Variants in DPP10 observed in about 807,000 individuals in gnomAD.
The protein encoded by DPP10 is inactive dipeptidyl peptidase 10.
DPP10 carries 33 observed loss-of-function variants against 120.9 expected under a neutral mutation model. The observed-to-expected ratio is 0.27, with a 90% confidence interval of 0.21 to 0.37. The LOEUF (loss-of-function observed/expected upper bound fraction) is 0.37. Ranked by LOEUF, DPP10 falls within the 10% of genes least tolerant of loss-of-function variation. The pLI, the probability that DPP10 is intolerant of heterozygous loss-of-function variation, is 1.00. For synonymous variants in DPP10, 337 were observed against 326.1 expected (o/e 1.03, Z -0.36); for missense variants, 816 against 942.8 (o/e 0.87, Z 1.76).
At chr2:114,865,154 A>C (rs1690123879) in intron 1 of DPP10, among the ~76,000 whole-genome samples, 1 of 152,214 alleles carries the variant, frequency 6.6e-6, no homozygotes, top group Non-Finnish European at 1.5e-5. Flanking sequence ...TATAAATTGT[A>C]TTTTCATATT....
chr2:115,767,242 G>A (rs543255542), intron 12 of DPP10, among the ~76,000 whole-genome samples: 255 of 152,166 alleles, frequency 1.7e-3, no homozygotes, highest in Non-Finnish European at 3.1e-3. Context: ...AAGAAAGCAA[G>A]AGAATGACAA....
At chr2:115,424,702 C>T (rs944640437) in intron 3 of DPP10, among the ~76,000 whole-genome samples, 5 of 152,044 alleles carry the variant, frequency 3.3e-5, no homozygotes, top group African/African-American at 1.2e-4. Flanking sequence ...CATATGCACA[C>T]TCACTTGTAC....
At chr2:115,138,503 C>T (rs4849382) in intron 1 of DPP10, among the ~76,000 whole-genome samples, 17,024 of 152,110 alleles carry the variant, frequency 0.11, 1,293 homozygotes, top group East Asian at 0.3. Flanking sequence ...TTTTAGAACA[C>T]ATTTACAGTT....
chr2:115,537,827 G>A (rs1221230485), intron 5 of DPP10, among the ~76,000 whole-genome samples: 1 of 151,946 alleles, frequency 6.6e-6, no homozygotes, highest in Non-Finnish European at 1.5e-5. Context: ...AGATGTGGGG[G>A]CTGCAGTCAT....
intron 19 of DPP10, among the ~76,000 whole-genome samples, chr2:115,801,978 C>G (rs1685298875): frequency 6.6e-6 from 1 of 152,068 alleles, no homozygotes; most frequent in Non-Finnish European, 1.5e-5. Flanking sequence ...CCCTCTTTTT[C>G]TATTGATTGG....
chr2:114,530,121 T>G (rs1292558662), intron 1 of DPP10, among the ~76,000 whole-genome samples: 1 of 152,164 alleles, frequency 6.6e-6, no homozygotes, highest in Non-Finnish European at 1.5e-5. Flanking sequence ...AGTTTGATTC[T>G]ATAGTTAATA....
intron 1 of DPP10, among the ~76,000 whole-genome samples, chr2:114,654,944 T>C (rs1229021547): frequency 1.3e-5 from 2 of 152,218 alleles, no homozygotes; most frequent in African/African-American, 2.4e-5. Context: ...CTAAAATTAA[T>C]GTTAATTTGG....
chr2:114,633,251 T>C (rs1695072862), intron 1 of DPP10, among the ~76,000 whole-genome samples: 2 of 109,580 alleles, frequency 1.8e-5, no homozygotes, highest in Non-Finnish European at 3.6e-5. Context: ...TTTCTTTCTT[T>C]TTTTTTTTTT....
At chr2:115,685,273 T>C (rs1042061500) in intron 5 of DPP10, among the ~76,000 whole-genome samples, 4 of 152,106 alleles carry the variant, frequency 2.6e-5, no homozygotes, top group African/African-American at 7.2e-5. Context: ...TTTGACACAC[T>C]AGCTGTATTT....
At chr2:114,806,965 G>C (rs1198438100) in intron 1 of DPP10, among the ~76,000 whole-genome samples, 1 of 152,152 alleles carries the variant, frequency 6.6e-6, no homozygotes, top group Non-Finnish European at 1.5e-5. Flanking sequence ...CCTTCCCATT[G>C]AGTACAGAAT....
At chr2:115,340,831 C>T (rs2063407503) in intron 2 of DPP10, among the ~76,000 whole-genome samples, 1 of 151,814 alleles carries the variant, frequency 6.6e-6, no homozygotes, top group East Asian at 1.9e-4. Flanking sequence ...ATTTCTCTCA[C>T]TGAAATAAGT....
chr2:114,691,319 T>A (rs934994473), intron 1 of DPP10, among the ~76,000 whole-genome samples: 3 of 152,136 alleles, frequency 2.0e-5, no homozygotes, highest in African/African-American at 7.2e-5. Flanking sequence ...TCTGTTGAGG[T>A]AATCATGTGG....
chr2:114,864,786 C>A (rs571476630), intron 1 of DPP10, among the ~76,000 whole-genome samples: 1 of 152,138 alleles, frequency 6.6e-6, no homozygotes, highest in African/African-American at 2.4e-5. Context: ...TTATGAAAGT[C>A]CCCTATATTA....
chr2:114,889,154 C>G (rs1455811176), intron 1 of DPP10, among the ~76,000 whole-genome samples: 1 of 152,170 alleles, frequency 6.6e-6, no homozygotes, highest in South Asian at 2.1e-4. Context: ...TGACAACAAC[C>G]TGCTCTAGGA....
At chr2:114,887,018 C>T (rs1692128519) in intron 1 of DPP10, among the ~76,000 whole-genome samples, 1 of 152,162 alleles carries the variant, frequency 6.6e-6, no homozygotes, top group African/African-American at 2.4e-5. Context: ...AATTGCCATC[C>T]ACTGTAGTCT....
chr2:115,721,667 A>C (rs956752623), intron 7 of DPP10, among the ~76,000 whole-genome samples: 1 of 152,182 alleles, frequency 6.6e-6, no homozygotes, highest in Admixed American at 6.5e-5. Context: ...ATACAAAATA[A>C]TCCAGGTACT....
chr2:115,305,937 A>G (rs1339662582), intron 1 of DPP10, among the ~76,000 whole-genome samples: 2 of 152,070 alleles, frequency 1.3e-5, no homozygotes, highest in African/African-American at 4.8e-5. Context: ...ATGATGAGAA[A>G]GAGTACAAGT....
At chr2:115,793,102 A>G (rs1331570161) in intron 19 of DPP10, among the ~76,000 whole-genome samples, 1 of 152,148 alleles carries the variant, frequency 6.6e-6, no homozygotes, top group African/African-American at 2.4e-5. Context: ...TTTTTAGTTT[A>G]TAAGAGGAAT....
intron 1 of DPP10, among the ~76,000 whole-genome samples, chr2:114,812,115 T>G (rs756275366): frequency 9.9e-5 from 15 of 152,168 alleles, no homozygotes; most frequent in Non-Finnish European, 2.1e-4. Context: ...TGCCTAGAGG[T>G]AGCACCTACT....
Sources: gnomAD v4.1 joint callset for allele counts (sites outside exome capture counted in the v4.1 genomes callset) on GRCh38, gnomAD v4.1.1 for gene constraint, MANE v1.5 for transcripts, NCBI Gene and HGNC (gene_info 2026-07-23, HGNC 2026-07-21) for gene names.